Variants in RELN observed in about 807,000 individuals in gnomAD.
The protein encoded by RELN is reelin.
A neutral mutation model predicts 427.6 loss-of-function variants in RELN; 108 were observed. That is an observed-to-expected ratio of 0.25 (90% CI 0.22 to 0.30). The LOEUF (loss-of-function observed/expected upper bound fraction) is 0.30. Among genes scored for constraint, RELN ranks in the 10% least tolerant of loss-of-function variants. The pLI is 1.00. For missense variants in RELN, 3,715 were observed against 4,302.8 expected (o/e 0.86, Z 3.82); for synonymous variants, 1,524 against 1,513.4 (o/e 1.01, Z -0.16).
chr7:103,604,537 T>G (rs1031788634), intron 22 of RELN, 54 bp from the exon 23 acceptor site: 31 of 1,597,828 alleles, frequency 1.9e-5, no homozygotes, highest in Non-Finnish European at 2.7e-5. Context: ...AGCAGTGACA[T>G]TGGCAAAGAA....
chr7:103,534,448 T>C (rs1237676811), intron 46 of RELN, among the ~76,000 whole-genome samples: 1 of 152,142 alleles, frequency 6.6e-6, no homozygotes, highest in African/African-American at 2.4e-5. Flanking sequence ...TAGATTTAAC[T>C]TCTTTATCAG....
chr7:103,502,788 G>A (rs572865956), intron 52 of RELN, among the ~76,000 whole-genome samples: 5 of 152,292 alleles, frequency 3.3e-5, no homozygotes, highest in East Asian at 1.9e-4. Flanking sequence ...TAGAAAATAA[G>A]AGTCTGCAAA....
At chr7:103,708,890 A>C (rs531140974) in intron 8 of RELN, among the ~76,000 whole-genome samples, 1 of 152,004 alleles carries the variant, frequency 6.6e-6, no homozygotes, top group East Asian at 1.9e-4. Flanking sequence ...CTCCGATTTA[A>C]TTTTCTCATT....
intron 1 of RELN, among the ~76,000 whole-genome samples, chr7:103,945,951 AGTGCC>A (rs1796211797): frequency 6.6e-6 from 1 of 152,302 alleles, no homozygotes; most frequent in African/African-American, 2.4e-5. Flanking sequence ...TAAGTTTGTA[AGTGCC>A]GTACACTCTG....
At position 103,630,864 on chromosome 7, in the gene RELN, T is replaced by TTG. The variant is rs1554394462; in HGVS notation, c.2466-689_2466-688insCA. On this transcript the variant is annotated intron_variant, in intron 19 of 64. Coordinates refer to ENST00000428762, the MANE Select transcript of RELN (RefSeq NM_005045.4). ...AGTTATTTTTTTGTTTTTTTTGTTTTTTTTTTTTTTGTTTTTTAACTAATG... is the reference window on the plus strand; with the variant it reads ...AGTTATTTTTTTGTTTTTTTTGTTTTTGTTTTTTTTTTGTTTTTTAACTAATG... Among the ~76,000 whole-genome samples the TTG allele has an allele frequency of 6.0e-5, 9 of 150,098 alleles. No homozygotes were observed. The Middle Eastern group carries it at 0.01, about 174-fold the overall frequency.
chr7:103,816,530 AACACAC>A lies in RELN; in HGVS notation c.473+17001_473+17006del, dbSNP rs57873981. Reference sequence around the variant, plus strand: ...TTATCCAGAACCATCTTTCTCTAGAAACACACACACACACACACACACACACACACA... The same window carrying A: ...TTATCCAGAACCATCTTTCTCTAGAAACACACACACACACACACACACACA... On this transcript the variant is annotated intron_variant, in intron 3 of 64. Transcript: ENST00000428762. Among the ~76,000 whole-genome samples, 359 of 143,738 alleles carry A rather than the reference AACACAC, an allele frequency of 2.5e-3. 1 individual carries two copies. Among genetic ancestry groups the A allele is most frequent in the African/African-American group, 7.5e-3 (293 of 39,186 alleles). The allele number at this position is 143,738 out of a possible 152,430, so 94.3% of individuals were successfully genotyped here. A position where few individuals can be genotyped will look rare whatever the true frequency, so the allele number is the denominator to read the frequency against.
At chr7:103,505,247 C>G (rs1205802182) in intron 51 of RELN, among the ~76,000 whole-genome samples, 1 of 152,168 alleles carries the variant, frequency 6.6e-6, no homozygotes, top group African/African-American at 2.4e-5. Flanking sequence ...TCAAGTGAAA[C>G]CCTGACCCCT....
chr7:103,643,488 C>T (rs773841919), intron 16 of RELN, among the ~76,000 whole-genome samples: 1 of 151,968 alleles, frequency 6.6e-6, no homozygotes, highest in Non-Finnish European at 1.5e-5. Flanking sequence ...TTGTCAGCCT[C>T]CTTCTTTGGA....
chr7:103,799,884 G>C (rs1327343611), intron 3 of RELN, among the ~76,000 whole-genome samples: 1 of 152,106 alleles, frequency 6.6e-6, no homozygotes, highest in East Asian at 1.9e-4. Context: ...CCACCTCATA[G>C]GGTAATGGTG....
intron 4 of RELN, among the ~76,000 whole-genome samples, chr7:103,762,245 C>T (rs1791320080): frequency 6.6e-6 from 1 of 152,144 alleles, no homozygotes; most frequent in South Asian, 2.1e-4. Context: ...AGCTTGGCGC[C>T]TAGATTTGGA....
intron 10 of RELN, among the ~76,000 whole-genome samples, chr7:103,687,081 T>C (rs936471221): frequency 6.6e-6 from 1 of 152,296 alleles, no homozygotes; most frequent in Non-Finnish European, 1.5e-5. Flanking sequence ...TTGAACTACT[T>C]TGTACTACGA....
chr7:103,504,123 G>A (rs769989397), intron 51 of RELN, among the ~76,000 whole-genome samples: 11 of 152,154 alleles, frequency 7.2e-5, no homozygotes, highest in Admixed American at 3.9e-4. Flanking sequence ...AGAATCGTCT[G>A]AACCCGGGAG....
chr7:103,754,560 G>A (rs1032068657), intron 4 of RELN, among the ~76,000 whole-genome samples: 1 of 151,864 alleles, frequency 6.6e-6, no homozygotes, highest in African/African-American at 2.4e-5. Context: ...ATTACTTGAG[G>A]CCAAGAGTTT....
intron 2 of RELN, among the ~76,000 whole-genome samples, chr7:103,839,548 T>G (rs1793501954): frequency 6.6e-6 from 1 of 152,096 alleles, no homozygotes; most frequent in Admixed American, 6.6e-5. Context: ...CTGATATGAC[T>G]TGAGCTGGGA....
chr7:103,889,493 A>T (rs1238844696), intron 2 of RELN, among the ~76,000 whole-genome samples: 1 of 152,162 alleles, frequency 6.6e-6, no homozygotes. Context: ...GAGAGTCAAG[A>T]GGGTTTAGTG....
At chr7:103,636,490 T>A in intron 17 of RELN, 22 bp from the exon 18 acceptor site, 1 of 1,491,090 alleles carries the variant, frequency 6.7e-7, no homozygotes, top group Non-Finnish European at 9.3e-7. Context: ...ATGGTGAAAT[T>A]AAATCTTAAA....
chr7:103,919,133 CTTTTTT>C (rs1187538150), intron 1 of RELN, among the ~76,000 whole-genome samples: 3 of 101,364 alleles, frequency 3.0e-5, no homozygotes, highest in Non-Finnish European at 6.1e-5. Context: ...GATAATCGGT[CTTTTTT>C]TTTTTTTTTT....
At chr7:103,648,170 T>C (rs1214644449) in intron 16 of RELN, among the ~76,000 whole-genome samples, 1 of 152,028 alleles carries the variant, frequency 6.6e-6, no homozygotes, top group Non-Finnish European at 1.5e-5. Context: ...TCCCCAATAT[T>C]GGAGGAGGGG....
chr7:103,856,264 G>A (rs1793941549), intron 2 of RELN, among the ~76,000 whole-genome samples: 1 of 152,056 alleles, frequency 6.6e-6, no homozygotes, highest in African/African-American at 2.4e-5. Context: ...CAGCAGCAGT[G>A]GGAGGGAAAT....
Sources: gnomAD v4.1 joint callset for allele counts (sites outside exome capture counted in the v4.1 genomes callset) on GRCh38, gnomAD v4.1.1 for gene constraint, MANE v1.5 for transcripts, NCBI Gene and HGNC (gene_info 2026-07-23, HGNC 2026-07-21) for gene names.